The following DCDC1 variants were observed in gnomAD, a reference collection of about 807,000 sequenced individuals.
DCDC1 encodes doublecortin domain-containing protein 1.
DCDC1 carries 200 observed loss-of-function variants against 178.3 expected under a neutral mutation model. That is an observed-to-expected ratio of 1.12 (90% confidence interval 1.00 to 1.26). DCDC1 has a LOEUF of 1.26. Ranked by LOEUF, DCDC1 falls within the 50% of genes most tolerant of loss-of-function variation. The probability of loss-of-function intolerance (pLI) is 0.00; values close to 1 mark genes in which losing one functional copy is unlikely to be tolerated. For missense variants in DCDC1, 1,983 were observed against 1,749.2 expected (o/e 1.13, Z -2.38); for synonymous variants, 690 against 604.8 (o/e 1.14, Z -2.07).
chr11:31,029,019 G>A (rs980788965), intron 20 of DCDC1, among the ~76,000 whole-genome samples: 3 of 151,944 alleles, frequency 2.0e-5, no homozygotes, highest in Non-Finnish European at 4.4e-5. Context: ...AAGATTTTAC[G>A]ATGACAATGT....
At chr11:31,161,382 T>C (rs1017404271) in intron 9 of DCDC1, among the ~76,000 whole-genome samples, 2 of 152,198 alleles carry the variant, frequency 1.3e-5, no homozygotes, top group African/African-American at 4.8e-5. Context: ...AAGAGCTAAG[T>C]ACTTCTCAGG....
intron 38 of DCDC1, among the ~76,000 whole-genome samples, chr11:30,874,314 G>A (rs947467756): frequency 3.3e-5 from 5 of 152,102 alleles, no homozygotes; most frequent in African/African-American, 1.2e-4. Context: ...GACCAAGCCT[G>A]GAAATCTGTA....
intron 17 of DCDC1, among the ~76,000 whole-genome samples, chr11:31,082,075 C>T (rs1039242198): frequency 6.6e-6 from 1 of 152,028 alleles, no homozygotes; most frequent in Non-Finnish European, 1.5e-5. Context: ...GATCAAAAAG[C>T]ACCAAGCTAA....
chr11:31,029,462 G>C (rs288458), intron 20 of DCDC1, among the ~76,000 whole-genome samples: 11,721 of 152,078 alleles, frequency 0.077, 601 homozygotes, highest in East Asian at 0.26. Context: ...TATTTGCTAT[G>C]ATATCAGTGT....
chr11:31,030,545 T>C (rs1265306497), intron 20 of DCDC1, among the ~76,000 whole-genome samples: 1 of 152,124 alleles, frequency 6.6e-6, no homozygotes, highest in Non-Finnish European at 1.5e-5. Flanking sequence ...CCCAGCTGAG[T>C]TGCATTTGGA....
chr11:30,940,926 C>T (rs1947597886), intron 21 of DCDC1, among the ~76,000 whole-genome samples: 1 of 152,088 alleles, frequency 6.6e-6, no homozygotes, highest in Admixed American at 6.6e-5. Flanking sequence ...ATTCTAACAC[C>T]TTTTGCTTTG....
At chr11:30,904,301 T>C (rs1944908953) in intron 31 of DCDC1, 1 of 152,454 alleles carries the variant, frequency 6.6e-6, no homozygotes, top group African/African-American at 2.4e-5. Flanking sequence ...ATATGTGCGC[T>C]TGCAAGGAAG....
intron 32 of DCDC1, among the ~76,000 whole-genome samples, 183 bp from the exon 33 acceptor site, chr11:30,900,681 T>C (rs934711371): frequency 6.6e-6 from 1 of 152,028 alleles, no homozygotes; most frequent in African/African-American, 2.4e-5. Flanking sequence ...ACCCAAAAAA[T>C]AAACTAATAA....
chr11:31,075,691 T>C (rs1365809606), intron 18 of DCDC1, among the ~76,000 whole-genome samples: 1 of 152,200 alleles, frequency 6.6e-6, no homozygotes, highest in African/African-American at 2.4e-5. Context: ...ATGTCTTCTT[T>C]TGAAAAATGT....
intron 9 of DCDC1, among the ~76,000 whole-genome samples, chr11:31,152,129 T>C (rs1484698191): frequency 1.3e-5 from 2 of 152,202 alleles, no homozygotes; most frequent in African/African-American, 4.8e-5. Context: ...CCTGGTTCAA[T>C]TTTTTCATTT....
At chr11:31,016,999 T>A (rs972312104) in intron 20 of DCDC1, among the ~76,000 whole-genome samples, 1 of 152,218 alleles carries the variant, frequency 6.6e-6, no homozygotes, top group Non-Finnish European at 1.5e-5. Flanking sequence ...ATTGTTTGAT[T>A]GTCCAGTCAT....
In DCDC1 at chr11:30,881,286, C is replaced by T. The variant is rs375380625; in HGVS notation, c.5105G>A (p.Arg1702His). 117 of 1,613,232 alleles carry T rather than the reference C, an allele frequency of 7.3e-5. No individual in the cohort carries two copies. In the South Asian group the frequency reaches 1.0e-3, roughly 14 times the overall value. Residue 1702 changes from arginine (R) to histidine (H), a missense_variant, in exon 37 of 39, where the codon CGT becomes CAT. Coordinates refer to ENST00000684477, the MANE Select transcript of DCDC1 (RefSeq NM_001387274.1). ...TCTAGCTGGGTGGGTCATTTTGAGA[C>T]GAGAGGAGCAGTCTTGCAGCAGCTG... ...ISELLQDCSSRLKMTHPARAL... is the reference protein window; with the variant it reads ...ISELLQDCSSHLKMTHPARAL...
intron 20 of DCDC1, among the ~76,000 whole-genome samples, chr11:31,028,293 A>G (rs1953382315): frequency 6.6e-6 from 1 of 151,818 alleles, no homozygotes; most frequent in Admixed American, 6.6e-5. Context: ...TTATCCAAAT[A>G]CTTTTTTTAG....
At chr11:30,905,186 T>C in intron 30 of DCDC1, 22 bp from the exon 31 acceptor site, 1 of 1,550,712 alleles carries the variant, frequency 6.4e-7, no homozygotes, top group Non-Finnish European at 8.7e-7. Context: ...AAAAATAAAT[T>C]GTACATTTAC....
rs571531487 is a variant in DCDC1, at chr11:31,061,293, A to G, written c.2591+3176T>C. 1.5e-4 allele frequency among the ~76,000 whole-genome samples: 23 copies of G among 152,282 alleles called. No homozygotes were observed. The South Asian group carries it at 4.1e-3, about 27-fold the overall frequency. On this transcript the variant is annotated intron_variant, in intron 20 of 38. Transcript: ENST00000684477. Reference sequence around the variant, plus strand: ...AAAAGGGTAAAGGACTCCTTTGGATAAACTAATGTAAACAAACACATTCCA... The same window carrying G: ...AAAAGGGTAAAGGACTCCTTTGGATGAACTAATGTAAACAAACACATTCCA...
chr11:31,149,943 G>A (rs1457214915), intron 9 of DCDC1, among the ~76,000 whole-genome samples: 6 of 152,168 alleles, frequency 3.9e-5, no homozygotes, highest in African/African-American at 7.2e-5. Context: ...AATAAATTCC[G>A]GACACAGAAG....
intron 9 of DCDC1, among the ~76,000 whole-genome samples, chr11:31,240,609 G>T (rs1977006607): frequency 6.6e-6 from 1 of 151,930 alleles, no homozygotes; most frequent in Non-Finnish European, 1.5e-5. Flanking sequence ...TCATTTTTCA[G>T]CAGTCTGTGG....
chr11:31,223,724 A>T (rs1974559320), intron 9 of DCDC1, among the ~76,000 whole-genome samples: 1 of 152,198 alleles, frequency 6.6e-6, no homozygotes. Flanking sequence ...ATGTCTCATA[A>T]ATATAATGTT....
At position 31,132,433 on chromosome 11, in the gene DCDC1, AT is replaced by A. The variant is rs574550849; in HGVS notation, c.1315-4795del. On this transcript the variant is annotated intron_variant, in intron 10 of 38. Transcript: ENST00000684477. Reference sequence around the variant, plus strand: ...CTCATGAATTATTTTACATAATATGATTTTTTTTCCCAATCACAGATATTGC... The same window carrying A: ...CTCATGAATTATTTTACATAATATGATTTTTTTCCCAATCACAGATATTGC... Among the ~76,000 whole-genome samples, 21 of 152,118 alleles carry A rather than the reference AT, an allele frequency of 1.4e-4. No homozygotes were observed. In the South Asian group the frequency reaches 2.9e-3, roughly 21 times the overall value.
Sources: gnomAD v4.1 joint callset for allele counts (sites outside exome capture counted in the v4.1 genomes callset) on GRCh38, gnomAD v4.1.1 for gene constraint, MANE v1.5 for transcripts, NCBI Gene and HGNC (gene_info 2026-07-23, HGNC 2026-07-21) for gene names.